PTPRN2: variants seen among roughly 807,000 people sequenced by gnomAD.
The protein encoded by PTPRN2 is protein tyrosine phosphatase receptor type N2.
PTPRN2 carries 74 observed loss-of-function variants against 118.8 expected under a neutral mutation model. The ratio of observed to expected loss-of-function variants is 0.62; its 90% CI spans 0.52 to 0.76. The LOEUF is 0.76. PTPRN2 is among the 30% of genes least tolerant of loss of function. PTPRN2 has a pLI of 0.00. For synonymous variants in PTPRN2, 641 were observed against 608.0 expected (o/e 1.05, Z -0.80); for missense variants, 1,481 against 1,394.4 (o/e 1.06, Z -0.99).
chr7:158,268,083 T>C (rs1254679425), intron 3 of PTPRN2, among the ~76,000 whole-genome samples: 4 of 152,168 alleles, frequency 2.6e-5, no homozygotes, highest in African/African-American at 9.7e-5. Flanking sequence ...AGGCACGAGA[T>C]CCTCAGCACC....
chr7:158,548,923 G>A (rs918166786), intron 1 of PTPRN2, among the ~76,000 whole-genome samples: 5 of 152,176 alleles, frequency 3.3e-5, no homozygotes, highest in Admixed American at 6.5e-5. Context: ...AAGACCTTCC[G>A]GGACCTGCCA....
intron 3 of PTPRN2, among the ~76,000 whole-genome samples, chr7:158,274,415 G>GGGAGCCGCAGACAGACATGGGA: frequency 7.5e-6 from 1 of 132,600 alleles, no homozygotes; most frequent in African/African-American, 2.8e-5. Flanking sequence ...CAGGCACAGG[G>GGGAGCCGCAGACAGACATGGGA]GGAGCCGCAG....
intron 1 of PTPRN2, among the ~76,000 whole-genome samples, chr7:158,564,090 C>G (rs572376301): frequency 1.2e-4 from 18 of 152,350 alleles, no homozygotes; most frequent in African/African-American, 4.3e-4. Context: ...TCTGAGTTAA[C>G]TGTTGCCATA....
In PTPRN2 at chr7:158,489,741, C is replaced by T. The variant is rs1251170315; in HGVS notation, c.157G>A (p.Val53Met). 20 of 1,583,462 alleles carry T rather than the reference C, an allele frequency of 1.3e-5. No individual in the cohort carries two copies. The East Asian group carries it at 4.2e-4, about 33-fold the overall frequency. The change falls in exon 2 of 23, where the codon GTG becomes ATG. Residue 53 changes from valine (V) to methionine (M), a missense_variant. Val to Met is a conservative substitution (Grantham distance 21). Around this residue, in one of 3 missense-constraint regions of PTPRN2, gnomAD observed 1,115 missense variants for 994.2 expected, o/e 1.12. Transcript: ENST00000389418. ...EGLCGASEACVNDGVFGRCQK... is the reference protein window; with the variant it reads ...EGLCGASEACMNDGVFGRCQK... ...GCCAGGACCCCACACTCACCGTTCA[C>T]ACAGGCCTCGGACGCTCCGCAGAGG...
At chr7:157,685,103 G>T (rs1229453492) in intron 12 of PTPRN2, among the ~76,000 whole-genome samples, 1 of 151,812 alleles carries the variant, frequency 6.6e-6, no homozygotes, top group East Asian at 1.9e-4. Context: ...CTCGCCTCCC[G>T]CGGGTCCCGC....
intron 2 of PTPRN2, among the ~76,000 whole-genome samples, chr7:158,474,682 G>C (rs1820115789): frequency 6.6e-6 from 1 of 151,954 alleles, no homozygotes; most frequent in Admixed American, 6.6e-5. Flanking sequence ...GTCTGAGAGG[G>C]ACCCTTTTCC....
Position 158,138,365 on chromosome 7 carries a change from C to A in PTPRN2, c.1061G>T (p.Arg354Ile), listed in dbSNP as rs753589516. 5.6e-6 allele frequency: 9 copies of A among 1,613,868 alleles called. No individual in the cohort carries two copies. In the South Asian group the frequency reaches 9.9e-5, roughly 18 times the overall value. ...DHGVARGSPGRAALGESGEQA... is the reference protein window; with the variant it reads ...DHGVARGSPGIAALGESGEQA... ...TTCTCCAGACTCTCCCAGGGCCGCT[C>A]TCCCAGGGCTGCCTCGAGCTACTCC... Residue 354 changes from arginine (R) to isoleucine (I), a missense_variant, in exon 7 of 23, where the codon AGA (arginine) becomes ATA (isoleucine). This residue lies in a region of PTPRN2 where 1,115 missense variants were observed against 994.2 expected (regional missense o/e 1.12). Coordinates refer to ENST00000389418, the MANE Select transcript of PTPRN2 (RefSeq NM_002847.5).
At chr7:157,727,025 G>A (rs996345230) in intron 12 of PTPRN2, among the ~76,000 whole-genome samples, 1 of 152,240 alleles carries the variant, frequency 6.6e-6, no homozygotes, top group African/African-American at 2.4e-5. Context: ...AGAAGGCAGA[G>A]AGATGGGAAC....
In PTPRN2 at chr7:158,574,735, T is replaced by C. The variant is rs2129451709; in HGVS notation, c.112+12823A>G. Among the ~76,000 whole-genome samples the C allele has an allele frequency of 6.6e-6, 1 of 152,386 alleles. No homozygotes were observed. The highest frequency in any genetic ancestry group is 2.1e-4 in the South Asian group (1 of 4,830). ...GCCATAATTTAGGCCAAATTCTTCC[T>C]CTGCTACATGTGAGGACTGCATGCC... On this transcript the variant is annotated intron_variant, in intron 1 of 22. Transcript: ENST00000389418. This position sits in a 1 kb window ranked among gnomAD's most constrained non-coding sequence, Gnocchi z 4.6.
chr7:158,168,327 G>A (rs1194075750), intron 5 of PTPRN2, among the ~76,000 whole-genome samples: 5 of 152,246 alleles, frequency 3.3e-5, no homozygotes, highest in Admixed American at 3.3e-4. Context: ...ACAGCAATGA[G>A]AGGAGCTGCT....
chr7:158,388,254 C>T (rs933352373), intron 2 of PTPRN2, among the ~76,000 whole-genome samples: 4 of 152,156 alleles, frequency 2.6e-5, no homozygotes, highest in African/African-American at 9.7e-5. Context: ...CGGGAAGCCA[C>T]GGTTCACGTC....
intron 12 of PTPRN2, among the ~76,000 whole-genome samples, chr7:157,830,873 C>T (rs1469165141): frequency 2.0e-5 from 3 of 152,202 alleles, no homozygotes; most frequent in African/African-American, 7.2e-5. Context: ...CACATACGAA[C>T]GTGTGCTAAG....
intron 11 of PTPRN2, among the ~76,000 whole-genome samples, chr7:157,916,579 A>C (rs1798410177): frequency 1.3e-5 from 2 of 152,364 alleles, no homozygotes; most frequent in South Asian, 4.1e-4. Flanking sequence ...TGTGTGGTCT[A>C]AGAGGTGCCT....
chr7:158,316,823 G>A lies in PTPRN2; in HGVS notation c.273C>T (p.Gly91=). 6 of 1,600,804 alleles carry A rather than the reference G, an allele frequency of 3.7e-6. No individual in the cohort carries two copies. In the South Asian group the frequency reaches 4.4e-5, roughly 12 times the overall value. The part of the protein sequence containing the change: ...RLRVALQKLS[G]TGFTWQDDYT... ...CTCGGCCCACGCCCGCCCTACCTGT[G>A]CCGGAAAGCTTCTGCAACGCCACGC... is the stretch of plus-strand genomic sequence containing the variant. Residue 91 remains glycine (G), a synonymous_variant, in exon 3 of 23, where the codon GGC becomes GGT. Coordinates refer to ENST00000389418, the MANE Select transcript of PTPRN2 (RefSeq NM_002847.5).
In PTPRN2 at chr7:157,658,337, G is replaced by A. The variant is rs115237719; in HGVS notation, c.2002-1786C>T. On this transcript the variant is annotated intron_variant, in intron 13 of 22. Coordinates refer to ENST00000389418, the MANE Select transcript of PTPRN2 (RefSeq NM_002847.5). ...CATGCAAGAGAAGGCAAATGGAGCC[G>A]TGCGGGAGACAGAAGGCACAGGGGA... Among the ~76,000 whole-genome samples the A allele has an allele frequency of 1.4e-3, 214 of 152,294 alleles. 1 individual carries two copies. Among genetic ancestry groups the A allele is most frequent in the African/African-American group, 4.9e-3 (205 of 41,554 alleles).
intron 2 of PTPRN2, among the ~76,000 whole-genome samples, chr7:158,366,082 C>A (rs998108925): frequency 6.9e-6 from 1 of 144,512 alleles, no homozygotes; most frequent in African/African-American, 2.6e-5. Context: ...CACACACACA[C>A]GCACACACAC....
At chr7:157,740,483 G>A (rs1243036540) in intron 12 of PTPRN2, 2 of 152,202 alleles carry the variant, frequency 1.3e-5, no homozygotes, top group African/African-American at 2.4e-5. Context: ...CTCCGTCCAC[G>A]GCAACGCGGG....
chr7:157,955,342 A>G (rs1801114512), intron 11 of PTPRN2, among the ~76,000 whole-genome samples: 1 of 151,972 alleles, frequency 6.6e-6, no homozygotes, highest in Admixed American at 6.6e-5. Flanking sequence ...TTTGTGATGC[A>G]TGGAATTCCT....
intron 11 of PTPRN2, among the ~76,000 whole-genome samples, chr7:157,957,642 T>C (rs981893435): frequency 1.3e-5 from 2 of 152,050 alleles, no homozygotes; most frequent in Non-Finnish European, 2.9e-5. Context: ...ACAAACAGGA[T>C]AACACAAGAA....
Sources: gnomAD v4.1 joint callset for allele counts (sites outside exome capture counted in the v4.1 genomes callset) on GRCh38, gnomAD v4.1.1 for gene constraint, gnomAD v4.1.1 regional missense constraint, Gnocchi (gnomAD v3.1) non-coding constraint, MANE v1.5 for transcripts, NCBI Gene and HGNC (gene_info 2026-07-23, HGNC 2026-07-21) for gene names.